The following TENM2 variants were observed in gnomAD, a reference collection of about 807,000 sequenced individuals.
TENM2 encodes teneurin transmembrane protein 2.
In TENM2, 52 loss-of-function variants were observed where a neutral mutation model predicts 245.2. The observed-to-expected ratio is 0.21, with a 90% CI of 0.17 to 0.27. TENM2 has a LOEUF of 0.27. TENM2 is among the 10% of genes least tolerant of loss of function. TENM2 has a pLI of 1.00. For missense variants in TENM2, 3,046 were observed against 3,666.8 expected, an observed-to-expected ratio of 0.83 and a Z score of 4.37; for synonymous variants, 1,363 against 1,438.9, an observed-to-expected ratio of 0.95 and a Z score of 1.19.
At chr5:167,828,902 G>A (rs991346020) in intron 2 of TENM2, among the ~76,000 whole-genome samples, 1 of 152,200 alleles carries the variant, frequency 6.6e-6, no homozygotes, top group African/African-American at 2.4e-5. Context: ...CAGGCTCAAG[G>A]TGTGGAGCTG....
At chr5:167,103,298 A>C in the TENM2 span, among the ~76,000 whole-genome samples, 1 of 152,226 alleles carries the variant, frequency 6.6e-6, no homozygotes, top group Non-Finnish European at 1.5e-5. Context: ...AGTATTCTAT[A>C]CATTTATATT....
chr5:167,774,892 G>T (rs946528879), intron 2 of TENM2, among the ~76,000 whole-genome samples: 1 of 152,216 alleles, frequency 6.6e-6, no homozygotes, highest in Admixed American at 6.5e-5. Flanking sequence ...CAGTGCATCT[G>T]TTAAGACAGT....
intron 3 of TENM2, chr5:167,948,823 A>G (rs1779849457): frequency 6.6e-6 from 1 of 152,208 alleles, no homozygotes; most frequent in Non-Finnish European, 1.5e-5. Context: ...TACAGTGGAC[A>G]TGAGGGTTCC....
chr5:167,362,595 G>A (rs1759783789), intron 1 of TENM2, among the ~76,000 whole-genome samples: 1 of 152,138 alleles, frequency 6.6e-6, no homozygotes, highest in Non-Finnish European at 1.5e-5. Flanking sequence ...GATGGAAATA[G>A]GCACCTTGGT....
At chr5:168,231,170 T>C (rs943226317) in intron 25 of TENM2, 3 of 152,252 alleles carry the variant, frequency 2.0e-5, no homozygotes, top group African/African-American at 7.2e-5. Context: ...GAACCTCAAC[T>C]GAACCACAGG....
intron 4 of TENM2, among the ~76,000 whole-genome samples, chr5:167,954,042 C>T (rs1466241005): frequency 6.6e-6 from 1 of 152,044 alleles, no homozygotes; most frequent in Non-Finnish European, 1.5e-5. Flanking sequence ...TATCCTTGAT[C>T]TCAACATTAG....
At chr5:167,369,361 C>T (rs753902897) in intron 1 of TENM2, among the ~76,000 whole-genome samples, 1 of 152,174 alleles carries the variant, frequency 6.6e-6, no homozygotes, top group Non-Finnish European at 1.5e-5. Context: ...TTGAAGTTCC[C>T]ATCGTCGTGA....
intron 12 of TENM2, among the ~76,000 whole-genome samples, chr5:168,134,188 C>T (rs966375873): frequency 2.0e-5 from 3 of 152,144 alleles, no homozygotes; most frequent in Admixed American, 2.0e-4. Flanking sequence ...AAAATAGGCT[C>T]TTGTGTCATT....
At chr5:167,972,532 T>C (rs1781866025) in intron 4 of TENM2, among the ~76,000 whole-genome samples, 1 of 152,238 alleles carries the variant, frequency 6.6e-6, no homozygotes, top group Non-Finnish European at 1.5e-5. Flanking sequence ...ATCTTGTGTA[T>C]ATATCTTTCT....
the TENM2 span, among the ~76,000 whole-genome samples, chr5:167,101,849 T>TATATATATATATA: frequency 6.9e-4 from 48 of 69,432 alleles, 1 homozygote; most frequent in South Asian, 6.1e-3. Flanking sequence ...ATATATATAT[T>TATATATATATATA]TATATATATA....
intron 4 of TENM2, among the ~76,000 whole-genome samples, chr5:167,987,848 T>C (rs1233797540): frequency 6.6e-6 from 1 of 152,214 alleles, no homozygotes; most frequent in Non-Finnish European, 1.5e-5. Flanking sequence ...GTTTGCTGAA[T>C]TTAATCTTCT....
intron 6 of TENM2, among the ~76,000 whole-genome samples, 193 bp from the exon 9 acceptor site, chr5:168,061,867 T>C (rs1790066309): frequency 6.6e-6 from 1 of 152,168 alleles, no homozygotes; most frequent in Non-Finnish European, 1.5e-5. Flanking sequence ...TCGGATGCCC[T>C]GGGGTGTGCA....
chr5:167,906,813 A>G (rs1776115723), intron 3 of TENM2, among the ~76,000 whole-genome samples: 2 of 152,174 alleles, frequency 1.3e-5, no homozygotes, highest in African/African-American at 4.8e-5. Context: ...CTTTGATTAA[A>G]AAAGAGAGTC....
rs377717879 is a variant in TENM2, at chr5:167,872,484, A to AAAAG, written c.503-3440_503-3437dup. Among the ~76,000 whole-genome samples the AAAAG allele has an allele frequency of 3.1e-3, 305 of 99,728 alleles. 1 individual carries two copies. The highest frequency in any genetic ancestry group is 6.5e-3 in the African/African-American group (177 of 27,182). The allele number at this position is 99,728 out of a possible 152,430, so 65.4% of individuals were successfully genotyped here. On this transcript the variant is annotated intron_variant, in intron 2 of 28. Transcript: ENST00000518659. ...CACGAAAGAAAGAAAGAAAGAAAGAAAAAGAAAGAAAGAAAGAAAGAAAGA... is the reference window on the plus strand; with the variant it reads ...CACGAAAGAAAGAAAGAAAGAAAGAAAAAGAAAGAAAGAAAGAAAGAAAGAAAGA...
intron 3 of TENM2, among the ~76,000 whole-genome samples, chr5:167,917,039 A>T (rs1473215167): frequency 6.6e-5 from 10 of 152,192 alleles, no homozygotes; most frequent in African/African-American, 9.6e-5. Flanking sequence ...GAGGTACTGT[A>T]CCGGTGCCTT....
rs370142705 is a variant in TENM2, at chr5:167,456,016, T to G, written c.502+80543T>G. 1.3e-4 allele frequency among the ~76,000 whole-genome samples: 20 copies of G among 152,314 alleles called. No individual in the cohort carries two copies. In the East Asian group the frequency reaches 2.3e-3, roughly 18 times the overall value. On this transcript the variant is annotated intron_variant, in intron 2 of 28. Coordinates refer to ENST00000518659, the Ensembl canonical transcript of TENM2. ...AATGAATTTTGAGAGGTCTTACTAA[T>G]TTTTTCACTTTGACTATCCTTAAGA...
At chr5:167,132,314 C>A in the TENM2 span, among the ~76,000 whole-genome samples, 1,092 of 152,218 alleles carry the variant, frequency 7.2e-3, 4 homozygotes, top group African/African-American at 0.024. Context: ...AAAGGTGACC[C>A]CTATTCTGAC....
intron 2 of TENM2, among the ~76,000 whole-genome samples, chr5:167,576,605 C>T (rs571025374): frequency 2.2e-4 from 33 of 152,232 alleles, no homozygotes; most frequent in African/African-American, 6.5e-4. Context: ...CATTACTATT[C>T]AGAACATTTC....
At chr5:167,386,657 A>C (rs1761448145) in intron 2 of TENM2, among the ~76,000 whole-genome samples, 1 of 152,198 alleles carries the variant, frequency 6.6e-6, no homozygotes, top group Non-Finnish European at 1.5e-5. Context: ...TCTTAGATTT[A>C]AGTCCTTAAT....
Sources: allele counts gnomAD v4.1 joint callset (sites outside exome capture counted in the v4.1 genomes callset), GRCh38; gene constraint gnomAD v4.1.1; transcripts MANE v1.5; gene names NCBI Gene and HGNC (gene_info 2026-07-23, HGNC 2026-07-21).